Variants in HSDL1 observed in about 807,000 individuals in gnomAD.
The protein encoded by HSDL1 is inactive hydroxysteroid dehydrogenase-like protein 1.
A neutral mutation model predicts 31.5 loss-of-function variants in HSDL1; 29 were observed. The observed-to-expected ratio is 0.92, with a 90% CI of 0.69 to 1.26. HSDL1 has a LOEUF of 1.26. HSDL1 is among the 50% of genes most tolerant of loss of function. The pLI is 0.00. For synonymous variants in HSDL1, 222 were observed against 155.2 expected, an observed-to-expected ratio of 1.43 and a Z score of -3.20; for missense variants, 503 against 416.6, an observed-to-expected ratio of 1.21 and a Z score of -1.81.
intron 5 of HSDL1, 142 bp downstream of exon 5, chr16:84,129,406 G>C: frequency 6.0e-6 from 4 of 671,290 alleles, no homozygotes; most frequent in Non-Finnish European, 1.0e-5. Flanking sequence ...AAAATTTAGT[G>C]TCTTAACCAA....
At chr16:84,136,021 G>C (rs1172114167) in intron 1 of HSDL1, among the ~76,000 whole-genome samples, 1 of 152,240 alleles carries the variant, frequency 6.6e-6, no homozygotes, top group African/African-American at 2.4e-5. Flanking sequence ...GTGCCTGTCT[G>C]GGTTTCACCT....
At position 84,127,209 on chromosome 16, in the gene HSDL1, C is replaced by CTTTT. The variant is rs71148881; in HGVS notation, c.894+2335_894+2338dup. 5.3e-3 allele frequency among the ~76,000 whole-genome samples: 493 copies of CTTTT among 93,338 alleles called. 7 individuals are homozygous for CTTTT. Among genetic ancestry groups the CTTTT allele is most frequent in the African/African-American group, 6.6e-3 (172 of 25,946 alleles). 61.2% of individuals were successfully genotyped at this position (93,338 alleles called of 152,430 possible). A position where few individuals can be genotyped will look rare whatever the true frequency, so the allele number is the denominator to read the frequency against. ...AACTACTTAAATAAAACTGTTTCTT[C>CTTTT]TTTTTTTTTTTTTTTTTTTTTTTTT... On this transcript the variant is annotated intron_variant, in intron 5 of 5. Coordinates refer to ENST00000219439, the MANE Select transcript of HSDL1 (RefSeq NM_031463.5).
chr16:84,127,310 G>A (rs547527016), intron 5 of HSDL1, among the ~76,000 whole-genome samples: 11 of 147,978 alleles, frequency 7.4e-5, no homozygotes, highest in Non-Finnish European at 1.5e-4. Context: ...CCGCATCCTG[G>A]GTTCAAGCGA....
In HSDL1 at chr16:84,124,423, A is replaced by G; in HGVS notation, c.*207T>C. On this transcript the variant is annotated 3_prime_UTR_variant, in exon 6 of 6. Transcript: ENST00000219439. ...AATGTAGATGTCGTCAATCAGCCTC[A>G]GGCATTATTGATCCTGTGCCATCCA... 1 of 467,544 alleles carries G rather than the reference A, an allele frequency of 2.1e-6. No individual in the cohort carries two copies. The highest frequency in any genetic ancestry group is 3.9e-6 in the Non-Finnish European group (1 of 253,224). The allele number at this position is 467,544 out of a possible 1,614,324, so 29.0% of individuals were successfully genotyped here. A position where few individuals can be genotyped will look rare whatever the true frequency, so the allele number is the denominator to read the frequency against.
chr16:84,132,942 T>C (rs1331009216), intron 2 of HSDL1, among the ~76,000 whole-genome samples: 2 of 148,768 alleles, frequency 1.3e-5, no homozygotes, highest in Non-Finnish European at 3.0e-5. Flanking sequence ...ATAAAACTTC[T>C]GGGGGTGGCA....
chr16:84,131,518 T>A (rs1325742031), intron 2 of HSDL1, among the ~76,000 whole-genome samples, 191 bp from the exon 3 acceptor site: 14 of 150,050 alleles, frequency 9.3e-5, no homozygotes, highest in Non-Finnish European at 1.9e-4. Context: ...TCTATCTATC[T>A]ATCTATCTAT....
intron 2 of HSDL1, among the ~76,000 whole-genome samples, chr16:84,131,912 C>T (rs2086673047): frequency 6.6e-6 from 1 of 152,182 alleles, no homozygotes. Flanking sequence ...AACTCCTGAC[C>T]TCAGGTGATC....
chr16:84,127,347 C>T (rs754404212), intron 5 of HSDL1, among the ~76,000 whole-genome samples: 44 of 151,108 alleles, frequency 2.9e-4, no homozygotes, highest in Non-Finnish European at 5.0e-4. Flanking sequence ...TCCCAGGTAG[C>T]TGGGACTACA....
At chr16:84,139,017 G>A (rs1447962136) in intron 1 of HSDL1, among the ~76,000 whole-genome samples, 1 of 152,186 alleles carries the variant, frequency 6.6e-6, no homozygotes, top group African/African-American at 2.4e-5. Context: ...GCTGAAACAT[G>A]GACATTACCA....
chr16:84,143,799 C>A (rs1163718675), intron 1 of HSDL1, among the ~76,000 whole-genome samples: 4 of 150,228 alleles, frequency 2.7e-5, no homozygotes, highest in Admixed American at 6.6e-5. Context: ...GAGTTCAAGG[C>A]TACCCTGACC....
chr16:84,141,626 C>T (rs1478404350), intron 1 of HSDL1, among the ~76,000 whole-genome samples: 7 of 152,268 alleles, frequency 4.6e-5, no homozygotes, highest in African/African-American at 1.7e-4. Context: ...CCGCCAGCAG[C>T]AGGTTCGTGC....
chr16:84,124,304 C>A lies in HSDL1; in HGVS notation c.*326G>T. On this transcript the variant is annotated 3_prime_UTR_variant, in exon 6 of 6. Transcript: ENST00000219439. ...AAAACAACATCTGAAATTATAAGAC[C>A]TGACAAATCATATTATATTTCAATA... is the stretch of plus-strand genomic sequence containing the variant. 5.8e-6 allele frequency: 1 copy of A among 171,774 alleles called. No homozygotes were observed. Among genetic ancestry groups the A allele is most frequent in the East Asian group, 1.5e-4 (1 of 6,484 alleles). The allele number at this position is 171,774 out of a possible 1,614,324, so 10.6% of individuals were successfully genotyped here.
At chr16:84,144,039 TC>T (rs1246616849) in intron 1 of HSDL1, among the ~76,000 whole-genome samples, 1 of 74,438 alleles carries the variant, frequency 1.3e-5, no homozygotes, top group Non-Finnish European at 2.7e-5. Flanking sequence ...ATCAACACCC[TC>T]CCCCTCCCCC....
chr16:84,130,041 G>A lies in HSDL1; in HGVS notation c.611C>T (p.Ser204Phe). 2 of 1,614,200 alleles carry A rather than the reference G, an allele frequency of 1.2e-6. No homozygotes were observed. Among genetic ancestry groups the A allele is most frequent in the Non-Finnish European group, 1.7e-6 (2 of 1,180,050 alleles). The stretch of plus-strand genomic sequence containing the variant: ...AGTGGGTTTGCAGCAGGAGCCAGAA[G>A]AGATCGTGACGATGGCACCTTTCTT... Reference protein sequence around the residue: ...ERKKGAIVTISSGSCCKPTPQ... With the variant: ...ERKKGAIVTIFSGSCCKPTPQ... The change falls in exon 4 of 6, where the codon TCT becomes TTT. Residue 204 changes from serine (S) to phenylalanine (F), a missense_variant. By Grantham distance (155) the Ser-to-Phe change is radical (BLOSUM62 -2). Coordinates refer to ENST00000219439, the MANE Select transcript of HSDL1 (RefSeq NM_031463.5).
intron 5 of HSDL1, 73 bp downstream of exon 5, chr16:84,129,475 C>G (rs1210543797): frequency 1.9e-6 from 2 of 1,067,064 alleles, no homozygotes; most frequent in East Asian, 2.4e-5. Context: ...AGGCTTTAAT[C>G]AGATTTCTCT....
intron 1 of HSDL1, among the ~76,000 whole-genome samples, chr16:84,136,268 G>C (rs1191883577): frequency 6.6e-6 from 1 of 152,192 alleles, no homozygotes; most frequent in Non-Finnish European, 1.5e-5. Context: ...GAGTGGGTCA[G>C]ATGCTTTAAG....
rs1317178432 is a variant in HSDL1, at chr16:84,124,340, G to T, written c.*290C>A. Reference sequence around the variant, plus strand: ...TATTATATTTCAATATTAGACTGCTGTGGCTCTAGAACAACAGAAAAGCGT... The same window carrying T: ...TATTATATTTCAATATTAGACTGCTTTGGCTCTAGAACAACAGAAAAGCGT... On this transcript the variant is annotated 3_prime_UTR_variant, in exon 6 of 6. Coordinates refer to ENST00000219439, the MANE Select transcript of HSDL1 (RefSeq NM_031463.5). 4.2e-6 allele frequency: 1 copy of T among 237,746 alleles called. No homozygotes were observed. Among genetic ancestry groups the T allele is most frequent in the African/African-American group, 2.2e-5 (1 of 44,668 alleles). 14.7% of individuals were successfully genotyped at this position (237,746 alleles called of 1,614,324 possible).
Position 84,130,127 on chromosome 16 carries a change from A to C in HSDL1, c.525T>G (p.Asn175Lys). The change falls in exon 4 of 6, where the codon AAT (asparagine) becomes AAG (lysine). Residue 175 changes from asparagine to lysine, a missense_variant. Asn to Lys is a moderately conservative substitution (Grantham distance 94). Transcript: ENST00000219439. ...LSEDKLWDII[N>K]VNIAAASLMV... ...TCAAACTAGCGGCGGCAATGTTCACATTTATGATGTCCCAGAGCTTGTCCT... is the reference window on the plus strand; with the variant it reads ...TCAAACTAGCGGCGGCAATGTTCACCTTTATGATGTCCCAGAGCTTGTCCT... The C allele has an allele frequency of 6.2e-7, 1 of 1,614,182 alleles. No individual in the cohort carries two copies. Among genetic ancestry groups the C allele is most frequent in the Non-Finnish European group, 8.5e-7 (1 of 1,180,032 alleles).
Position 84,130,325 on chromosome 16 carries a change from T to G in HSDL1, c.327A>C (p.Lys109Asn), listed in dbSNP as rs1298130713. ...RNEEKLQVVA[K>N]DIADTYKVET... ...CCACTTTGTACGTGTCGGCTATGTC[T>G]TTAGCAACAACCTGCAACTTCTCCT... Residue 109 changes from lysine to asparagine, a missense_variant, in exon 4 of 6, where the codon AAA (lysine) becomes AAC (asparagine). Transcript: ENST00000219439. 6.2e-7 allele frequency: 1 copy of G among 1,614,124 alleles called. No homozygotes were observed. Among genetic ancestry groups the G allele is most frequent in the Non-Finnish European group, 8.5e-7 (1 of 1,180,054 alleles).
Sources: gnomAD v4.1 joint callset for allele counts (sites outside exome capture counted in the v4.1 genomes callset) on GRCh38, gnomAD v4.1.1 for gene constraint, MANE v1.5 for transcripts, NCBI Gene and HGNC (gene_info 2026-07-23, HGNC 2026-07-21) for gene names.